Variants in CREB5 observed in about 807,000 individuals in gnomAD.
CREB5 encodes cAMP responsive element binding protein 5.
Under a neutral mutation model 57.1 loss-of-function variants are expected in CREB5, and 19 were observed. The ratio of observed to expected loss-of-function variants is 0.33; its 90% CI spans 0.23 to 0.49. The LOEUF (loss-of-function observed/expected upper bound fraction) is 0.49. Among genes scored for constraint, CREB5 ranks in the 20% least tolerant of loss-of-function variants. CREB5 has a pLI of 0.99. For missense variants in CREB5, 579 were observed against 671.6 expected, an observed-to-expected ratio of 0.86 and a Z score of 1.52; for synonymous variants, 238 against 238.3, an observed-to-expected ratio of 1.00 and a Z score of 0.01.
At chr7:28,490,858 T>C (rs546040110) in intron 2 of CREB5, among the ~76,000 whole-genome samples, 2 of 152,350 alleles carry the variant, frequency 1.3e-5, no homozygotes, top group Non-Finnish European at 2.9e-5. Flanking sequence ...TTCTAATCTA[T>C]GTTCTCCCAA....
intron 3 of CREB5, among the ~76,000 whole-genome samples, chr7:28,497,626 T>C (rs1347658701): frequency 1.3e-5 from 2 of 152,256 alleles, no homozygotes; most frequent in East Asian, 1.9e-4. Context: ...CTTAGGTTCA[T>C]AGAATTTTCT....
intron 5 of CREB5, among the ~76,000 whole-genome samples, chr7:28,680,670 A>T (rs1470783216): frequency 1.3e-5 from 2 of 151,812 alleles, no homozygotes; most frequent in African/African-American, 2.4e-5. Flanking sequence ...GAGGTGGGGG[A>T]ATCATTTGAG....
At chr7:28,816,055 GCACACACACACACACA>G (rs34917973) in intron 9 of CREB5, among the ~76,000 whole-genome samples, 2 of 145,338 alleles carry the variant, frequency 1.4e-5, no homozygotes, top group Admixed American at 6.9e-5. Flanking sequence ...AAATATATAC[GCACACACACACACACA>G]CACACACACA....
At chr7:28,678,506 A>C (rs1473994972) in intron 5 of CREB5, among the ~76,000 whole-genome samples, 5 of 152,232 alleles carry the variant, frequency 3.3e-5, no homozygotes, top group Non-Finnish European at 7.3e-5. Context: ...TAAAAGAGTC[A>C]CTATGATCAT....
At chr7:28,446,834 T>A (rs1789503132) in intron 1 of CREB5, among the ~76,000 whole-genome samples, 3 of 152,088 alleles carry the variant, frequency 2.0e-5, no homozygotes, top group Non-Finnish European at 4.4e-5. Context: ...ATAATTGTCT[T>A]ACCCACTTTA....
In CREB5 at chr7:28,480,874, A is replaced by T. The variant is rs556795610; in HGVS notation, c.4-7301A>T. On this transcript the variant is annotated intron_variant, in intron 1 of 10. Transcript: ENST00000357727. ...GTATGTTCTGAACTATTGAACCCATAGAGAGGAAAGCTATAAGACAGGATT... is the reference window on the plus strand; with the variant it reads ...GTATGTTCTGAACTATTGAACCCATTGAGAGGAAAGCTATAAGACAGGATT... Among the ~76,000 whole-genome samples the T allele has an allele frequency of 4.6e-5, 7 of 152,358 alleles. No homozygotes were observed. In the South Asian group the frequency reaches 1.5e-3, roughly 32 times the overall value.
intron 7 of CREB5, among the ~76,000 whole-genome samples, chr7:28,787,324 T>C (rs1807389723): frequency 6.6e-6 from 1 of 152,166 alleles, no homozygotes; most frequent in African/African-American, 2.4e-5. Context: ...TTGTTTCTTA[T>C]TTAGTATTCT....
intron 1 of CREB5, among the ~76,000 whole-genome samples, chr7:28,303,900 T>G (rs1030039487): frequency 6.6e-6 from 1 of 152,194 alleles, no homozygotes; most frequent in African/African-American, 2.4e-5. Flanking sequence ...TAATTTACAT[T>G]GGCAGTAAAA....
chr7:28,460,784 G>A (rs1790317155), intron 1 of CREB5, among the ~76,000 whole-genome samples: 1 of 152,076 alleles, frequency 6.6e-6, no homozygotes, highest in African/African-American at 2.4e-5. Flanking sequence ...TCATTAGTGA[G>A]GTGTCGGGGA....
At position 28,380,152 on chromosome 7, in the gene CREB5, T is replaced by A. The variant is rs567361760; in HGVS notation, c.-25+80711T>A. Reference sequence around the variant, plus strand: ...TCTTCCTCCTTGGAAGAAGCTTATCTGTCAAATGTTATTGACCCTAAGGAC... The same window carrying A: ...TCTTCCTCCTTGGAAGAAGCTTATCAGTCAAATGTTATTGACCCTAAGGAC... On this transcript the variant is annotated intron_variant, in intron 1 of 9. Transcript: ENST00000396299. Among the ~76,000 whole-genome samples the A allele has an allele frequency of 1.4e-3, 206 of 152,334 alleles. 1 individual carries two copies. Among genetic ancestry groups the A allele is most frequent in the Non-Finnish European group, 2.3e-3 (154 of 68,022 alleles).
chr7:28,765,164 C>T (rs1264940436), intron 7 of CREB5, among the ~76,000 whole-genome samples: 1 of 152,110 alleles, frequency 6.6e-6, no homozygotes, highest in African/African-American at 2.4e-5. Flanking sequence ...TGTGTGTTTA[C>T]CTTTCATCTA....
At chr7:28,390,192 C>T (rs997798993) in intron 1 of CREB5, among the ~76,000 whole-genome samples, 11 of 152,094 alleles carry the variant, frequency 7.2e-5, no homozygotes, top group Non-Finnish European at 1.2e-4. Context: ...GCCTGGGGCT[C>T]TGCTGATGAA....
intron 5 of CREB5, among the ~76,000 whole-genome samples, chr7:28,660,009 T>G (rs1272200058): frequency 6.6e-6 from 1 of 152,056 alleles, no homozygotes; most frequent in African/African-American, 2.4e-5. Flanking sequence ...TCAGCTACAC[T>G]CCAAACTTCA....
chr7:28,637,869 T>C (rs1025754692), intron 5 of CREB5, among the ~76,000 whole-genome samples: 1 of 152,224 alleles, frequency 6.6e-6, no homozygotes, highest in African/African-American at 2.4e-5. Flanking sequence ...CAACAATACT[T>C]GGTTAATAGT....
chr7:28,628,318 C>T (rs903329996), intron 5 of CREB5, among the ~76,000 whole-genome samples: 2 of 152,040 alleles, frequency 1.3e-5, no homozygotes, highest in East Asian at 3.9e-4. Context: ...ACTGAAACCT[C>T]TTACCACTGG....
At chr7:28,614,995 T>C (rs1361430308) in intron 5 of CREB5, 2 of 152,280 alleles carry the variant, frequency 1.3e-5, no homozygotes, top group Non-Finnish European at 2.9e-5. Flanking sequence ...ACTATATTAA[T>C]GTTCTGAAAA....
chr7:28,714,709 C>CA (rs1169348176), intron 5 of CREB5, among the ~76,000 whole-genome samples: 3 of 152,194 alleles, frequency 2.0e-5, no homozygotes, highest in Admixed American at 6.5e-5. Context: ...ACATAGATTT[C>CA]AACTGTAAGC....
At chr7:28,812,897 A>T (rs1389984010) in intron 9 of CREB5, among the ~76,000 whole-genome samples, 2 of 152,216 alleles carry the variant, frequency 1.3e-5, no homozygotes, top group African/African-American at 4.8e-5. Flanking sequence ...CAAGGTCTGG[A>T]TGGCCAGCTG....
intron 1 of CREB5, among the ~76,000 whole-genome samples, chr7:28,414,446 T>C (rs1371048298): frequency 1.3e-5 from 2 of 152,216 alleles, no homozygotes; most frequent in Non-Finnish European, 2.9e-5. Context: ...CTCTGAATTC[T>C]ATTTAAGAAA....
Sources: gnomAD v4.1 joint callset for allele counts (sites outside exome capture counted in the v4.1 genomes callset) on GRCh38, gnomAD v4.1.1 for gene constraint, MANE v1.5 for transcripts, NCBI Gene and HGNC (gene_info 2026-07-23, HGNC 2026-07-21) for gene names.